Variants in REV3L observed in about 807,000 individuals in gnomAD.
REV3L encodes the protein DNA polymerase zeta catalytic subunit.
Under a neutral mutation model 299.4 loss-of-function variants are expected in REV3L, and 69 were observed. The ratio of observed to expected loss-of-function variants is 0.23; its 90% confidence interval spans 0.19 to 0.28. The LOEUF (loss-of-function observed/expected upper bound fraction) is 0.28. REV3L is among the 10% of genes least tolerant of loss of function. The pLI is 1.00. For synonymous variants in REV3L, 1,238 were observed against 1,271.4 expected (o/e 0.97, Z 0.56); for missense variants, 3,128 against 3,693.8 (o/e 0.85, Z 3.97).
At chr6:111,427,692 A>G (rs1467259745) in intron 1 of REV3L, among the ~76,000 whole-genome samples, 3 of 152,226 alleles carry the variant, frequency 2.0e-5, no homozygotes, top group Non-Finnish European at 4.4e-5. Context: ...TGGAAAAAGT[A>G]TAACTGAGGT....
chr6:111,473,481 G>A (rs988826250), intron 1 of REV3L, among the ~76,000 whole-genome samples: 25 of 151,790 alleles, frequency 1.6e-4, no homozygotes, highest in Non-Finnish European at 3.2e-4. Flanking sequence ...GCATACATAC[G>A]ATTTTAGTAT....
intron 26 of REV3L, among the ~76,000 whole-genome samples, chr6:111,319,684 TA>T (rs1773921954): frequency 6.6e-6 from 1 of 151,138 alleles, no homozygotes; most frequent in African/African-American, 2.5e-5. Flanking sequence ...GAAGGTCATT[TA>T]CCTTCGTCTA....
chr6:111,311,317 T>C (rs1772953609), intron 28 of REV3L, 58 bp from the exon 29 acceptor site: 2 of 1,334,418 alleles, frequency 1.5e-6, no homozygotes, highest in Non-Finnish European at 1.0e-6. Context: ...TGTTTCACCA[T>C]TGTTATTACA....
intron 1 of REV3L, among the ~76,000 whole-genome samples, chr6:111,426,960 A>G (rs995504015): frequency 1.3e-5 from 2 of 152,188 alleles, no homozygotes; most frequent in African/African-American, 4.8e-5. Context: ...TAAAACAAAC[A>G]CTTTTTAGTT....
intron 2 of REV3L, 79 bp from the exon 3 acceptor site, chr6:111,411,633 T>C (rs1784259949): frequency 2.2e-6 from 2 of 922,086 alleles, no homozygotes; most frequent in East Asian, 5.4e-5. Context: ...CCTAATTAGA[T>C]TCAGCTGGCC....
intron 1 of REV3L, among the ~76,000 whole-genome samples, chr6:111,442,988 G>GT (rs34701745): frequency 0.57 from 86,014 of 151,760 alleles, 29,167 homozygotes; most frequent in Non-Finnish European, 0.77. Context: ...CGGCTATGTT[G>GT]TATTATAAGT....
chr6:111,359,670 A>G (rs1778448122), intron 16 of REV3L, among the ~76,000 whole-genome samples: 1 of 152,162 alleles, frequency 6.6e-6, no homozygotes, highest in African/African-American at 2.4e-5. Context: ...ATAAACTTTT[A>G]ACTGTAATTC....
intron 1 of REV3L, among the ~76,000 whole-genome samples, chr6:111,432,503 T>C (rs983093383): frequency 2.0e-5 from 3 of 152,146 alleles, no homozygotes; most frequent in Non-Finnish European, 4.4e-5. Flanking sequence ...CAAGAGGATA[T>C]AACAATTATA....
chr6:111,421,698 T>C lies in REV3L; in HGVS notation c.140-5226A>G, dbSNP rs1010051877. Among the ~76,000 whole-genome samples the C allele has an allele frequency of 3.3e-5, 5 of 152,242 alleles. No individual in the cohort carries two copies. The South Asian group carries it at 8.3e-4, about 25-fold the overall frequency. On this transcript the variant is annotated intron_variant, in intron 1 of 31. Transcript: ENST00000368802. ...TCTTAGGAGAATAAGAAATACTCAT[T>C]GTGTAATTTGCATATCCCATCTCCC...
chr6:111,481,341 A>G (rs1307086281), intron 1 of REV3L, among the ~76,000 whole-genome samples: 1 of 152,242 alleles, frequency 6.6e-6, no homozygotes, highest in Non-Finnish European at 1.5e-5. Flanking sequence ...AACCTATCTT[A>G]TAGAACACTT....
chr6:111,374,179 G>A lies in REV3L; in HGVS notation c.4176C>T (p.Asn1392=), dbSNP rs1780071139. ...TTAACTTTCCGATTGATGACAAATA[G>A]TTTCTTTGTATATTATTTGCATTAT... The part of the protein sequence containing the change: ...IEDNANNIQR[N]YLSSIGKLSE... Residue 1392 remains asparagine (N), a synonymous_variant, in exon 13 of 32, where the codon AAC becomes AAT. Transcript: ENST00000368802. The A allele has an allele frequency of 1.2e-6, 2 of 1,613,796 alleles. No homozygotes were observed. Among genetic ancestry groups the A allele is most frequent in the African/African-American group, 2.7e-5 (2 of 74,918 alleles).
At chr6:111,368,100 T>G in intron 13 of REV3L, 72 bp from the exon 14 acceptor site, 1 of 1,311,530 alleles carries the variant, frequency 7.6e-7, no homozygotes, top group Non-Finnish European at 1.0e-6. Context: ...CTCCATATCC[T>G]AGATAAAGTC....
rs1336880467 is a variant in REV3L, at chr6:111,372,675, A to G, written c.5680T>C (p.Leu1894=). The change falls in exon 13 of 32, where the codon TTG becomes CTG. Residue 1894 remains leucine (L), a synonymous_variant. Coordinates refer to ENST00000368802, the MANE Select transcript of REV3L (RefSeq NM_001372078.1). ...PPSREEIMAT[L]LDHDLSETIY... ...GTCTCAGACAGGTCATGATCCAACA[A>G]AGTTGCCATAATTTCTTCCCTACTT... The G allele has an allele frequency of 1.3e-6, 2 of 1,582,514 alleles. No individual in the cohort carries two copies. The highest frequency in any genetic ancestry group is 2.7e-5 in the African/African-American group (2 of 73,920).
At position 111,375,673 on chromosome 6, in the gene REV3L, A is replaced by G. The variant is rs779832095; in HGVS notation, c.2682T>C (p.Phe894=). 3.1e-6 allele frequency: 5 copies of G among 1,614,032 alleles called. No individual in the cohort carries two copies. In the Admixed American group the frequency reaches 6.7e-5, roughly 22 times the overall value. Residue 894 remains phenylalanine (F), a synonymous_variant, in exon 13 of 32, where the codon TTT becomes TTC. Transcript: ENST00000368802. ...AFENKTPTDG[F]IDCHFGDGTL... ...TTCCATCTCCAAAGTGACAGTCTAT[A>G]AAACCATCTGTGGGTGTTTTATTTT...
chr6:111,344,091 A>G, intron 20 of REV3L, 48 bp from the exon 21 acceptor site: 1 of 1,318,278 alleles, frequency 7.6e-7, no homozygotes, highest in South Asian at 1.3e-5. Context: ...ACATTTATGT[A>G]GCAAATTTGG....
intron 20 of REV3L, among the ~76,000 whole-genome samples, chr6:111,348,596 G>A (rs1777256955): frequency 6.6e-6 from 1 of 152,102 alleles, no homozygotes; most frequent in African/African-American, 2.4e-5. Flanking sequence ...GTGCAAAAAT[G>A]ACTTCCGTGA....
At chr6:111,335,219 A>C (rs1284627957) in intron 22 of REV3L, among the ~76,000 whole-genome samples, 1 of 152,202 alleles carries the variant, frequency 6.6e-6, no homozygotes, top group African/African-American at 2.4e-5. Context: ...GGACATCTTT[A>C]ATCACAGTAA....
intron 3 of REV3L, among the ~76,000 whole-genome samples, chr6:111,409,725 T>C (rs1784050099): frequency 1.3e-5 from 2 of 152,318 alleles, no homozygotes; most frequent in South Asian, 4.1e-4. Context: ...GGGAAGGGTC[T>C]GGGTGAAGTT....
chr6:111,472,286 AG>A, intron 1 of REV3L: 1 of 295,422 alleles, frequency 3.4e-6, no homozygotes, highest in Non-Finnish European at 6.4e-6. Flanking sequence ...AACCTAATTT[AG>A]TATATAAATT....
Sources: gnomAD v4.1 joint callset for allele counts (sites outside exome capture counted in the v4.1 genomes callset) on GRCh38, gnomAD v4.1.1 for gene constraint, MANE v1.5 for transcripts, NCBI Gene and HGNC (gene_info 2026-07-23, HGNC 2026-07-21) for gene names.